The following RIMS2 variants were observed in gnomAD, a reference collection of about 807,000 sequenced individuals.
RIMS2 encodes regulating synaptic membrane exocytosis 2.
A neutral mutation model predicts 174.4 loss-of-function variants in RIMS2; 59 were observed. The ratio of observed to expected loss-of-function variants is 0.34; its 90% CI spans 0.27 to 0.42. The LOEUF (loss-of-function observed/expected upper bound fraction) is 0.42, where lower values mean the gene tolerates loss of function less well. RIMS2 is among the 10% of genes least tolerant of loss of function. The pLI, the probability that RIMS2 is intolerant of heterozygous loss-of-function variation, is 1.00. For missense variants in RIMS2, 1,620 were observed against 1,666.3 expected (o/e 0.97, Z 0.48); for synonymous variants, 606 against 572.5 (o/e 1.06, Z -0.84).
intron 3 of RIMS2, among the ~76,000 whole-genome samples, chr8:103,834,341 T>C (rs1207121745): frequency 6.7e-6 from 1 of 149,140 alleles, no homozygotes; most frequent in African/African-American, 2.5e-5. Context: ...TCTTTTTTTT[T>C]TTTTTTTTTT....
At chr8:103,589,485 T>A (rs2094141584) in intron 1 of RIMS2, among the ~76,000 whole-genome samples, 2 of 151,496 alleles carry the variant, frequency 1.3e-5, no homozygotes, top group African/African-American at 4.8e-5. Flanking sequence ...TGGTGGGAAT[T>A]TAAATTAGTA....
chr8:103,969,454 C>A (rs1384651472), intron 15 of RIMS2, among the ~76,000 whole-genome samples: 1 of 152,112 alleles, frequency 6.6e-6, no homozygotes, highest in Admixed American at 6.5e-5. Flanking sequence ...TTCAGAGATT[C>A]TTTTCTCAAC....
At chr8:103,798,153 T>TTCTC (rs1428642162) in intron 3 of RIMS2, among the ~76,000 whole-genome samples, 1 of 152,164 alleles carries the variant, frequency 6.6e-6, no homozygotes, top group Non-Finnish European at 1.5e-5. Flanking sequence ...CAGTAGAAGA[T>TTCTC]TCTCTGTGTC....
At chr8:103,755,124 G>C (rs971869713) in intron 2 of RIMS2, among the ~76,000 whole-genome samples, 13 of 152,122 alleles carry the variant, frequency 8.5e-5, no homozygotes, top group African/African-American at 3.1e-4. Flanking sequence ...GACAGGCCTG[G>C]TGGTGACAAA....
chr8:104,041,646 G>A (rs966052185), intron 19 of RIMS2, among the ~76,000 whole-genome samples: 2 of 151,546 alleles, frequency 1.3e-5, no homozygotes, highest in African/African-American at 4.8e-5. Flanking sequence ...GTATGCGTAT[G>A]TATATTTAGG....
intron 1 of RIMS2, among the ~76,000 whole-genome samples, chr8:103,565,827 C>T (rs114806900): frequency 0.035 from 5,354 of 152,110 alleles, 285 homozygotes; most frequent in African/African-American, 0.12. Flanking sequence ...GACACCTTTG[C>T]GAGAGAGTTC....
chr8:103,552,252 A>AT (rs1187225679), intron 1 of RIMS2, among the ~76,000 whole-genome samples: 1 of 152,198 alleles, frequency 6.6e-6, no homozygotes, highest in Non-Finnish European at 1.5e-5. Flanking sequence ...ACCAAAACAG[A>AT]TATATAGACC....
chr8:104,030,312 C>T (rs7010706), intron 19 of RIMS2, among the ~76,000 whole-genome samples: 19,497 of 151,854 alleles, frequency 0.13, 1,708 homozygotes, highest in Non-Finnish European at 0.19. Context: ...ATAGCAAGAT[C>T]GTGTGGCTAA....
Position 103,795,608 on chromosome 8 carries a change from GAA to G in RIMS2, c.698+29078_698+29079del, listed in dbSNP as rs544643238. On this transcript the variant is annotated intron_variant, in intron 3 of 23. Transcript: ENST00000504942. Reference sequence around the variant, plus strand: ...AATGATGAAAAATAAGAAGTACAAAGAAAAAAAAGAGGATAAGCCTGTATTTA... The same window carrying G: ...AATGATGAAAAATAAGAAGTACAAAGAAAAAAGAGGATAAGCCTGTATTTA... Among the ~76,000 whole-genome samples the G allele has an allele frequency of 5.6e-3, 851 of 151,370 alleles. 8 individuals carry two copies. Among genetic ancestry groups the G allele is most frequent in the African/African-American group, 0.019 (796 of 41,320 alleles).
chr8:104,169,596 T>A (rs532594286), intron 19 of RIMS2, among the ~76,000 whole-genome samples: 1 of 152,020 alleles, frequency 6.6e-6, no homozygotes, highest in South Asian at 2.1e-4. Flanking sequence ...TTCTCGCTAA[T>A]GGTCTATCAA....
chr8:103,788,375 T>C (rs2098463675), intron 3 of RIMS2, among the ~76,000 whole-genome samples: 1 of 145,536 alleles, frequency 6.9e-6, no homozygotes, highest in Admixed American at 6.9e-5. Context: ...AGTTTTTCTG[T>C]TCTGTTTTTT....
In RIMS2 at chr8:104,231,474, C is replaced by T. The variant is rs115070304; in HGVS notation, c.3335-13442C>T. The stretch of plus-strand genomic sequence containing the variant: ...GCCTTTCTTTCTATTCTTCCTTTAC[C>T]ACTGTATATATATCCTGTCTAATTG... On this transcript the variant is annotated intron_variant, in intron 19 of 23. Transcript: ENST00000504942. 4.5e-3 allele frequency among the ~76,000 whole-genome samples: 689 copies of T among 152,038 alleles called. 9 individuals are homozygous for T. The highest frequency in any genetic ancestry group is 0.016 in the African/African-American group (648 of 41,460).
intron 2 of RIMS2, among the ~76,000 whole-genome samples, chr8:103,727,749 G>A (rs906630697): frequency 1.3e-5 from 2 of 152,096 alleles, no homozygotes; most frequent in African/African-American, 2.4e-5. Context: ...CTTCACTGTC[G>A]ACGTATGGAT....
chr8:104,199,203 AG>A (rs2099041391), intron 19 of RIMS2, among the ~76,000 whole-genome samples: 1 of 152,080 alleles, frequency 6.6e-6, no homozygotes, highest in Non-Finnish European at 1.5e-5. Context: ...CTGGGACTAC[AG>A]GCGCCCGCCA....
intron 2 of RIMS2, among the ~76,000 whole-genome samples, chr8:103,739,508 C>T (rs1264943079): frequency 6.6e-6 from 1 of 152,086 alleles, no homozygotes; most frequent in African/African-American, 2.4e-5. Context: ...TGCACATGTA[C>T]CCTAGAACTT....
At chr8:103,849,027 T>C (rs1439585120) in intron 3 of RIMS2, among the ~76,000 whole-genome samples, 1 of 152,082 alleles carries the variant, frequency 6.6e-6, no homozygotes, top group Non-Finnish European at 1.5e-5. Context: ...GCAATGACCA[T>C]CTAAAACTAG....
At chr8:103,671,896 A>C (rs2096749106) in intron 1 of RIMS2, among the ~76,000 whole-genome samples, 1 of 152,218 alleles carries the variant, frequency 6.6e-6, no homozygotes, top group South Asian at 2.1e-4. Context: ...CATATGCTTT[A>C]ACATACCAAA....
At chr8:103,831,671 G>A (rs538042210) in intron 3 of RIMS2, among the ~76,000 whole-genome samples, 2 of 152,138 alleles carry the variant, frequency 1.3e-5, no homozygotes, top group South Asian at 4.2e-4. Flanking sequence ...ATCTATTCTG[G>A]GCTTTGTCCT....
chr8:103,789,480 A>C (rs1459383465), intron 3 of RIMS2, among the ~76,000 whole-genome samples: 2 of 152,142 alleles, frequency 1.3e-5, no homozygotes, highest in Non-Finnish European at 2.9e-5. Flanking sequence ...GACCTTAATC[A>C]CATCTGCAAA....
Sources: gnomAD v4.1 joint callset for allele counts (sites outside exome capture counted in the v4.1 genomes callset) on GRCh38, gnomAD v4.1.1 for gene constraint, MANE v1.5 for transcripts, NCBI Gene and HGNC (gene_info 2026-07-23, HGNC 2026-07-21) for gene names.